The following SLC9A9 variants were observed in gnomAD, a reference collection of about 807,000 sequenced individuals.
The protein encoded by SLC9A9 is solute carrier family 9 member A9.
A neutral mutation model predicts 77.8 loss-of-function variants in SLC9A9; 62 were observed. The ratio of observed to expected loss-of-function variants is 0.80; its 90% CI spans 0.65 to 0.98. The LOEUF is 0.98. Ranked by LOEUF, SLC9A9 falls within the 50% of genes least tolerant of loss-of-function variation. The pLI, the probability that SLC9A9 is intolerant of heterozygous loss-of-function variation, is 0.00. For missense variants in SLC9A9, 775 were observed against 774.9 expected (o/e 1.00, Z 0.00); for synonymous variants, 320 against 283.5 (o/e 1.13, Z -1.29).
chr3:143,681,394 G>A (rs1260800084), intron 5 of SLC9A9, among the ~76,000 whole-genome samples: 2 of 152,016 alleles, frequency 1.3e-5, no homozygotes, highest in Non-Finnish European at 2.9e-5. Context: ...CTCTTATAAT[G>A]TATCGATGTA....
intron 14 of SLC9A9, among the ~76,000 whole-genome samples, chr3:143,269,637 T>C (rs1244251374): frequency 6.6e-6 from 1 of 152,192 alleles, no homozygotes; most frequent in African/African-American, 2.4e-5. Context: ...CTCCAATCTA[T>C]CAATAATGAA....
At chr3:143,826,794 C>T (rs1018036991) in intron 2 of SLC9A9, among the ~76,000 whole-genome samples, 2 of 152,148 alleles carry the variant, frequency 1.3e-5, no homozygotes, top group Non-Finnish European at 2.9e-5. Flanking sequence ...CCCCCCAACA[C>T]CACACATACC....
chr3:143,620,901 C>T (rs563011554), intron 6 of SLC9A9, among the ~76,000 whole-genome samples: 2 of 152,120 alleles, frequency 1.3e-5, no homozygotes, highest in Non-Finnish European at 1.5e-5. Flanking sequence ...CCTGGAAAAT[C>T]GGGTCACTCC....
intron 4 of SLC9A9, among the ~76,000 whole-genome samples, chr3:143,768,878 A>C (rs943422888): frequency 1.3e-5 from 2 of 152,206 alleles, no homozygotes; most frequent in African/African-American, 2.4e-5. Context: ...CTTTGACAAG[A>C]TGTTTTATAT....
intron 5 of SLC9A9, among the ~76,000 whole-genome samples, chr3:143,672,112 T>A (rs1305674363): frequency 1.3e-5 from 2 of 152,218 alleles, no homozygotes; most frequent in South Asian, 4.1e-4. Context: ...GCTTAGCCGA[T>A]ATTAAATGAA....
chr3:143,374,457 G>C (rs1320221761), intron 13 of SLC9A9, among the ~76,000 whole-genome samples: 8 of 148,382 alleles, frequency 5.4e-5, no homozygotes, highest in African/African-American at 2.0e-4. Flanking sequence ...GAAAAAACAT[G>C]GAGGCCAGAA....
chr3:143,557,307 T>G (rs2037002290), intron 8 of SLC9A9, among the ~76,000 whole-genome samples: 1 of 152,322 alleles, frequency 6.6e-6, no homozygotes, highest in South Asian at 2.1e-4. Flanking sequence ...CTCTTCTTTA[T>G]AAATTACCCA....
At chr3:143,751,889 C>T (rs1560063159) in intron 4 of SLC9A9, among the ~76,000 whole-genome samples, 1 of 152,156 alleles carries the variant, frequency 6.6e-6, no homozygotes, top group Admixed American at 6.5e-5. Flanking sequence ...CTCAGCACTG[C>T]GTTGAGTGGA....
chr3:143,635,056 C>T (rs776818636), intron 6 of SLC9A9, among the ~76,000 whole-genome samples: 1 of 152,084 alleles, frequency 6.6e-6, no homozygotes, highest in Admixed American at 6.6e-5. Context: ...TTATTTTGTT[C>T]ACATTTCTGC....
chr3:143,668,180 A>T (rs1397127388), intron 5 of SLC9A9, among the ~76,000 whole-genome samples: 2 of 152,034 alleles, frequency 1.3e-5, no homozygotes, highest in Non-Finnish European at 2.9e-5. Context: ...TGTCCTTTGT[A>T]GGGACATGGA....
At chr3:143,773,971 T>C (rs933653166) in intron 4 of SLC9A9, among the ~76,000 whole-genome samples, 1 of 152,216 alleles carries the variant, frequency 6.6e-6, no homozygotes, top group African/African-American at 2.4e-5. Flanking sequence ...CATTAGTTAA[T>C]GAGTGACTAT....
intron 2 of SLC9A9, among the ~76,000 whole-genome samples, chr3:143,816,704 G>A (rs2009027622): frequency 6.6e-6 from 1 of 152,174 alleles, no homozygotes; most frequent in South Asian, 2.1e-4. Context: ...GGGGTATGAG[G>A]TATATAAACC....
chr3:143,711,359 C>A (rs73152895), intron 4 of SLC9A9, among the ~76,000 whole-genome samples: 4,218 of 151,940 alleles, frequency 0.028, 77 homozygotes, highest in Non-Finnish European at 0.043. Context: ...ATAGGAGAAA[C>A]CACCAAAATG....
intron 9 of SLC9A9, among the ~76,000 whole-genome samples, chr3:143,495,917 G>A (rs2035827551): frequency 6.6e-6 from 1 of 152,130 alleles, no homozygotes. Flanking sequence ...AGGCAGGCAG[G>A]AGGGACAAAG....
At chr3:143,488,577 G>A (rs1163840647) in intron 11 of SLC9A9, among the ~76,000 whole-genome samples, 3 of 151,938 alleles carry the variant, frequency 2.0e-5, no homozygotes, top group African/African-American at 7.2e-5. Flanking sequence ...TTCCCGGAAT[G>A]CAATGTTGTG....
chr3:143,403,092 A>G (rs1422781557), intron 12 of SLC9A9, among the ~76,000 whole-genome samples: 1 of 152,092 alleles, frequency 6.6e-6, no homozygotes, highest in African/African-American at 2.4e-5. Flanking sequence ...CATATATATT[A>G]CATCTATATA....
intron 5 of SLC9A9, among the ~76,000 whole-genome samples, chr3:143,680,307 T>C (rs577833293): frequency 1.3e-5 from 2 of 152,212 alleles, no homozygotes; most frequent in East Asian, 1.9e-4. Flanking sequence ...TGTATTCAAA[T>C]AGAATGAAAA....
chr3:143,625,740 G>C (rs2038311129), intron 6 of SLC9A9, among the ~76,000 whole-genome samples: 1 of 152,106 alleles, frequency 6.6e-6, no homozygotes, highest in Non-Finnish European at 1.5e-5. Context: ...AAAAGCAATG[G>C]CAACAAAAGC....
intron 9 of SLC9A9, among the ~76,000 whole-genome samples, chr3:143,512,917 A>G (rs916520538): frequency 6.6e-6 from 1 of 152,184 alleles, no homozygotes; most frequent in African/African-American, 2.4e-5. Flanking sequence ...AGAAATGTAC[A>G]TGTATTCATT....
Sources: allele counts gnomAD v4.1 joint callset (sites outside exome capture counted in the v4.1 genomes callset), GRCh38; gene constraint gnomAD v4.1.1; transcripts MANE v1.5; gene names NCBI Gene and HGNC (gene_info 2026-07-23, HGNC 2026-07-21).